TCF4: variants seen among roughly 807,000 people sequenced by gnomAD.
The protein encoded by TCF4 is SL3-3 enhancer factor 2.
Under a neutral mutation model 82.1 loss-of-function variants are expected in TCF4, and 3 were observed. The observed-to-expected ratio is 0.04, with a 90% CI of 0.02 to 0.09. The LOEUF (loss-of-function observed/expected upper bound fraction) is 0.09, where lower values mean the gene tolerates loss of function less well. TCF4 is among the 10% of genes least tolerant of loss of function. The pLI is 1.00. For synonymous variants in TCF4, 276 were observed against 309.6 expected (o/e 0.89, Z 1.14); for missense variants, 518 against 852.7 (o/e 0.61, Z 4.89).
chr18:55,609,517 G>A (rs1191251832), intron 2 of TCF4, among the ~76,000 whole-genome samples: 1 of 152,196 alleles, frequency 6.6e-6, no homozygotes, highest in Non-Finnish European at 1.5e-5. Flanking sequence ...CAGAACTACT[G>A]AAACGGGTGT....
intron 5 of TCF4, among the ~76,000 whole-genome samples, chr18:55,435,660 T>C (rs2095313588): frequency 6.6e-6 from 1 of 152,164 alleles, no homozygotes; most frequent in Non-Finnish European, 1.5e-5. Context: ...GAAGGAGAAA[T>C]GCACAGTCCT....
chr18:55,294,105 C>A (rs1287570137), intron 8 of TCF4, among the ~76,000 whole-genome samples: 1 of 151,082 alleles, frequency 6.6e-6, no homozygotes, highest in African/African-American at 2.4e-5. Context: ...ACTAAAAATA[C>A]AAAAATTAGC....
chr18:55,322,032 T>C (rs940790099), intron 8 of TCF4: 2 of 1,187,288 alleles, frequency 1.7e-6, no homozygotes, highest in African/African-American at 3.1e-5. Flanking sequence ...TTTTATTAGT[T>C]CCTCGAATAA....
intron 3 of TCF4, among the ~76,000 whole-genome samples, chr18:55,511,856 C>G (rs904920343): frequency 6.6e-6 from 1 of 152,122 alleles, no homozygotes; most frequent in Non-Finnish European, 1.5e-5. Context: ...GGCAGACATT[C>G]TGGTCCAAAG....
chr18:55,507,050 A>G (rs1301852051), intron 3 of TCF4, among the ~76,000 whole-genome samples: 2 of 151,942 alleles, frequency 1.3e-5, no homozygotes, highest in African/African-American at 4.8e-5. Context: ...TTTAGTAGAG[A>G]TGGGGTTTCA....
chr18:55,321,669 C>T, intron 8 of TCF4: 1 of 1,536,168 alleles, frequency 6.5e-7, no homozygotes, highest in Non-Finnish European at 8.7e-7. Flanking sequence ...CATTCGCTTA[C>T]CGCTTTCCCA....
intron 8 of TCF4, among the ~76,000 whole-genome samples, chr18:55,282,938 A>G (rs999131102): frequency 2.6e-5 from 4 of 151,960 alleles, no homozygotes; most frequent in Non-Finnish European, 5.9e-5. Flanking sequence ...CCGAATTGGA[A>G]ATGGAAAGAC....
chr18:55,608,895 C>G (rs1199028682), intron 2 of TCF4, among the ~76,000 whole-genome samples: 1 of 152,088 alleles, frequency 6.6e-6, no homozygotes, highest in Non-Finnish European at 1.5e-5. Context: ...TGTATCACCT[C>G]AAAATTCATG....
At chr18:55,383,691 T>C (rs2145925462) in intron 6 of TCF4, among the ~76,000 whole-genome samples, 1 of 152,330 alleles carries the variant, frequency 6.6e-6, no homozygotes, top group South Asian at 2.1e-4. Context: ...TACTACGGGG[T>C]TGGCCATACA....
At chr18:55,573,499 T>A (rs2097496992) in intron 3 of TCF4, among the ~76,000 whole-genome samples, 1 of 152,188 alleles carries the variant, frequency 6.6e-6, no homozygotes, top group Admixed American at 6.5e-5. Context: ...TTTGGGTCCA[T>A]GTCCCAGACA....
intron 4 of TCF4, 79 bp from the exon 5 acceptor site, chr18:55,461,194 A>T (rs1475234362): frequency 5.8e-6 from 7 of 1,197,594 alleles, no homozygotes. Context: ...CACTACCAAA[A>T]CTTCTCCCCT....
chr18:55,450,060 G>C (rs2095595652), intron 5 of TCF4, among the ~76,000 whole-genome samples: 2 of 152,038 alleles, frequency 1.3e-5, no homozygotes. Flanking sequence ...TTAAACACAG[G>C]GCAACTACTT....
intron 15 of TCF4, among the ~76,000 whole-genome samples, chr18:55,242,249 T>C (rs2051481023): frequency 6.6e-6 from 1 of 152,216 alleles, no homozygotes; most frequent in Non-Finnish European, 1.5e-5. Flanking sequence ...AAGGTCATTG[T>C]TGAATGGTGC....
intron 3 of TCF4, among the ~76,000 whole-genome samples, chr18:55,565,516 C>T (rs921181737): frequency 2.0e-5 from 3 of 152,154 alleles, no homozygotes; most frequent in Non-Finnish European, 4.4e-5. Context: ...AGCAATTCCT[C>T]TCTGGAGAAA....
At chr18:55,604,806 C>T (rs1205347391) in intron 2 of TCF4, among the ~76,000 whole-genome samples, 3 of 152,098 alleles carry the variant, frequency 2.0e-5, no homozygotes, top group Non-Finnish European at 2.9e-5. Flanking sequence ...TAGTTAGGGA[C>T]AGCCTCCTAC....
At chr18:55,570,501 G>A (rs191499003) in intron 3 of TCF4, among the ~76,000 whole-genome samples, 2 of 152,206 alleles carry the variant, frequency 1.3e-5, no homozygotes, top group African/African-American at 2.4e-5. Context: ...AAATGGGGGC[G>A]GGGTAGATTC....
In TCF4 at chr18:55,374,811, T is replaced by C. The variant is rs1340224518; in HGVS notation, c.370-23808A>G. Among the ~76,000 whole-genome samples the C allele has an allele frequency of 2.9e-5, 4 of 139,724 alleles. No homozygotes were observed. In the South Asian group the frequency reaches 8.7e-4, roughly 30 times the overall value. The allele number at this position is 139,724 out of a possible 152,430, so 91.7% of individuals were successfully genotyped here. A position where few individuals can be genotyped will look rare whatever the true frequency, so the allele number is the denominator to read the frequency against. On this transcript the variant is annotated intron_variant, in intron 6 of 19. Transcript: ENST00000354452. ...GCTACTCAGGTGGTAGAGACTGCAGTGAGCCATGATCACACCACTGCACTC... is the reference window on the plus strand; with the variant it reads ...GCTACTCAGGTGGTAGAGACTGCAGCGAGCCATGATCACACCACTGCACTC...
intron 2 of TCF4, among the ~76,000 whole-genome samples, chr18:55,627,009 C>G (rs2097727120): frequency 1.3e-5 from 2 of 152,142 alleles, no homozygotes; most frequent in South Asian, 4.2e-4. Context: ...TTCTTTGGTG[C>G]CAATGTTCAG....
intron 6 of TCF4, among the ~76,000 whole-genome samples, chr18:55,381,943 G>A (rs936417496): frequency 1.3e-5 from 2 of 150,626 alleles, no homozygotes; most frequent in Non-Finnish European, 2.9e-5. Flanking sequence ...GAAATTCTAA[G>A]TGATTTACTA....
Sources: allele counts gnomAD v4.1 joint callset (sites outside exome capture counted in the v4.1 genomes callset), GRCh38; gene constraint gnomAD v4.1.1; transcripts MANE v1.5; gene names NCBI Gene and HGNC (gene_info 2026-07-23, HGNC 2026-07-21).